The following UBR1 variants were observed in gnomAD, a reference collection of about 807,000 sequenced individuals.
The protein encoded by UBR1 is ubiquitin protein ligase E3 component n-recognin 1.
In UBR1, 102 loss-of-function variants were observed where a neutral mutation model predicts 242.1. The observed-to-expected ratio is 0.42, with a 90% CI of 0.36 to 0.50. UBR1 has a LOEUF of 0.50. UBR1 is among the 20% of genes least tolerant of loss of function. The probability of loss-of-function intolerance (pLI) is 0.01; values close to 1 mark genes in which losing one functional copy is unlikely to be tolerated. For missense variants in UBR1, 1,772 were observed against 2,101.8 expected (o/e 0.84, Z 3.07); for synonymous variants, 675 against 684.8 (o/e 0.99, Z 0.22).
At chr15:42,960,776 C>CT (rs895798187) in intron 42 of UBR1, 75 bp from the exon 43 acceptor site, 15,883 of 1,264,968 alleles carry the variant, frequency 0.013, no homozygotes, top group Non-Finnish European at 0.014. Context: ...AAGCCATTCT[C>CT]TTTTTTTTTT....
At chr15:42,957,034 A>C (rs1167472164) in intron 44 of UBR1, among the ~76,000 whole-genome samples, 3 of 152,328 alleles carry the variant, frequency 2.0e-5, no homozygotes, top group Non-Finnish European at 4.4e-5. Context: ...ATCCAAAAGA[A>C]ATGAAAACTT....
intron 35 of UBR1, among the ~76,000 whole-genome samples, chr15:42,986,271 A>G (rs1377717894): frequency 6.6e-6 from 1 of 152,198 alleles, no homozygotes; most frequent in Non-Finnish European, 1.5e-5. Context: ...TTGTTTATGT[A>G]CTAAGAATAA....
At chr15:43,063,963 C>CTCAG (rs1289433736) in intron 6 of UBR1, among the ~76,000 whole-genome samples, 2 of 152,120 alleles carry the variant, frequency 1.3e-5, no homozygotes, top group African/African-American at 4.8e-5. Flanking sequence ...CTCAAACTCC[C>CTCAG]GACCTCAGGA....
At chr15:43,061,006 G>C (rs1205028891) in intron 6 of UBR1, among the ~76,000 whole-genome samples, 1 of 151,104 alleles carries the variant, frequency 6.6e-6, no homozygotes, top group Non-Finnish European at 1.5e-5. Flanking sequence ...GATTGGACAA[G>C]AATAGTTACA....
In UBR1 at chr15:43,002,702, T is replaced by C; in HGVS notation, c.3512A>G (p.Tyr1171Cys). The C allele has an allele frequency of 6.2e-7, 1 of 1,614,044 alleles. No individual in the cohort carries two copies. The highest frequency in any genetic ancestry group is 8.5e-7 in the Non-Finnish European group (1 of 1,180,006). Residue 1171 changes from tyrosine (Y) to cysteine (C), a missense_variant and splice_region_variant, in exon 32 of 47, where the codon TAT becomes TGT. By Grantham distance (194) the Tyr-to-Cys change is radical (BLOSUM62 -2). Around this residue, in one of 3 missense-constraint regions of UBR1, gnomAD observed 965 missense variants for 1,079.7 expected, o/e 0.89. Transcript: ENST00000290650. ...HVMHAVCWQK[Y>C]FEAVQLSSQQ... is the part of the protein sequence containing the mutation. ...AGAGCTCAGCTGTACAGCTTCAAAATACCTGCAAAATTACAAAGACACAGG... is the reference window on the plus strand; with the variant it reads ...AGAGCTCAGCTGTACAGCTTCAAAACACCTGCAAAATTACAAAGACACAGG...
rs745607297 is a variant in UBR1 at position 42,964,032 on chromosome 15, C to T, written c.4603G>A (p.Gly1535Arg). The T allele has an allele frequency of 1.2e-5, 20 of 1,608,382 alleles. No individual in the cohort carries two copies. The highest frequency in any genetic ancestry group is 1.7e-5 in the Non-Finnish European group (20 of 1,174,958). ...PEELHTNSAE[G>R]EYSALCSYLS... Reference sequence around the variant, plus strand: ...TAGCTACAGAGTGCACTGTACTCTCCTTCTGCAGAATCTGCAAGAGAATAA... The same window carrying T: ...TAGCTACAGAGTGCACTGTACTCTCTTTCTGCAGAATCTGCAAGAGAATAA... Residue 1535 changes from glycine (G) to arginine (R), a missense_variant, in exon 42 of 47, where the codon GGA (glycine) becomes AGA (arginine). This residue lies in a region of UBR1 where 965 missense variants were observed against 1,079.7 expected (regional missense o/e 0.89). Coordinates refer to ENST00000290650, the MANE Select transcript of UBR1 (RefSeq NM_174916.3).
chr15:42,953,705 G>C (rs1223481960), intron 44 of UBR1, among the ~76,000 whole-genome samples: 1 of 152,044 alleles, frequency 6.6e-6, no homozygotes, highest in East Asian at 1.9e-4. Flanking sequence ...CCAACACTAG[G>C]GATGGTTCTG....
chr15:42,963,571 G>A (rs1476799061), intron 42 of UBR1, among the ~76,000 whole-genome samples: 2 of 151,850 alleles, frequency 1.3e-5, no homozygotes, highest in East Asian at 1.9e-4. Context: ...TGATACATGC[G>A]CTACCATGTG....
At chr15:43,043,141 G>A in intron 15 of UBR1, 74 bp downstream of exon 15, 1 of 1,551,742 alleles carries the variant, frequency 6.4e-7, no homozygotes, top group Non-Finnish European at 8.9e-7. Context: ...AACAAAAATA[G>A]AAATGATTCT....
chr15:43,006,106 G>GAAAAAAAAAAAAAAA (rs1235960946), intron 30 of UBR1, among the ~76,000 whole-genome samples: 4 of 111,462 alleles, frequency 3.6e-5, no homozygotes, highest in Non-Finnish European at 5.7e-5. Context: ...AAAAAAAAAA[G>GAAAAAAAAAAAAAAA]AAAAAAAAAA....
At chr15:43,028,135 A>G (rs1020645656) in intron 21 of UBR1, among the ~76,000 whole-genome samples, 116 of 152,314 alleles carry the variant, frequency 7.6e-4, no homozygotes, top group African/African-American at 2.6e-3. Context: ...CTTCAAAGAA[A>G]AGAAGCTCTT....
intron 6 of UBR1, among the ~76,000 whole-genome samples, chr15:43,062,824 C>A (rs1328409055): frequency 6.6e-6 from 1 of 151,982 alleles, no homozygotes; most frequent in Non-Finnish European, 1.5e-5. Context: ...TTTTAAAATA[C>A]GTGGGCATTT....
At chr15:42,981,918 T>C (rs146840936) in intron 37 of UBR1, among the ~76,000 whole-genome samples, 8 of 152,362 alleles carry the variant, frequency 5.3e-5, no homozygotes, top group African/African-American at 1.9e-4. Flanking sequence ...TAATAAATGT[T>C]CATATGAAAA....
chr15:42,954,042 C>T (rs2031877620), intron 44 of UBR1, among the ~76,000 whole-genome samples: 1 of 151,930 alleles, frequency 6.6e-6, no homozygotes, highest in Non-Finnish European at 1.5e-5. Flanking sequence ...GCCACCAAGC[C>T]TAGCTAATTA....
At chr15:42,967,219 G>GCT (rs779608460) in intron 40 of UBR1, among the ~76,000 whole-genome samples, 1 of 113,216 alleles carries the variant, frequency 8.8e-6, no homozygotes, top group Non-Finnish European at 1.7e-5. Flanking sequence ...TGCTCAACTA[G>GCT]TTTTTTTTTT....
rs79649407 is a variant in UBR1, at chr15:43,023,753, T to C, written c.2740-952A>G. Among the ~76,000 whole-genome samples, 1,230 of 152,256 alleles carry C rather than the reference T, an allele frequency of 8.1e-3. 15 individuals carry two copies. The highest frequency in any genetic ancestry group is 0.027 in the African/African-American group (1,110 of 41,536). ...CATAGGTATTGGGAAGTAGGCACTT[T>C]TGACCATAGTGGTGATGGTAAAGTA... is the stretch of plus-strand genomic sequence containing the variant. On this transcript the variant is annotated intron_variant, in intron 25 of 46. Coordinates refer to ENST00000290650, the MANE Select transcript of UBR1 (RefSeq NM_174916.3).
intron 8 of UBR1, 65 bp from the exon 9 acceptor site, chr15:43,059,257 G>A: frequency 1.4e-6 from 2 of 1,423,894 alleles, no homozygotes; most frequent in Non-Finnish European, 2.0e-6. Context: ...ATAGAGATGA[G>A]TCTCACTCTG....
chr15:43,067,083 A>G (rs1020211165), intron 6 of UBR1, among the ~76,000 whole-genome samples: 6 of 152,242 alleles, frequency 3.9e-5, no homozygotes, highest in African/African-American at 1.2e-4. Context: ...TATGAAATAG[A>G]GATAATAATA....
intron 45 of UBR1, chr15:42,950,590 A>G: frequency 1.8e-6 from 1 of 544,186 alleles, no homozygotes; most frequent in Non-Finnish European, 3.3e-6. Flanking sequence ...ATTTGGTGAA[A>G]TGAGATCATT....
Sources: gnomAD v4.1 joint callset for allele counts (sites outside exome capture counted in the v4.1 genomes callset) on GRCh38, gnomAD v4.1.1 for gene constraint, gnomAD v4.1.1 regional missense constraint, MANE v1.5 for transcripts, NCBI Gene and HGNC (gene_info 2026-07-23, HGNC 2026-07-21) for gene names.